The following TRABD2A variants were observed in gnomAD, a reference collection of about 807,000 sequenced individuals.
The protein encoded by TRABD2A is TraB domain containing 2A.
Under a neutral mutation model 45.6 loss-of-function variants are expected in TRABD2A, and 43 were observed. The observed-to-expected ratio is 0.94, with a 90% CI of 0.74 to 1.22. The LOEUF is 1.22. TRABD2A is among the 50% of genes most tolerant of loss of function. The pLI is 0.00. For missense variants in TRABD2A, 642 were observed against 652.4 expected (o/e 0.98, Z 0.17); for synonymous variants, 269 against 265.0 (o/e 1.02, Z -0.15).
At chr2:84,835,680 G>T (rs764279874) in intron 4 of TRABD2A, among the ~76,000 whole-genome samples, 3 of 152,164 alleles carry the variant, frequency 2.0e-5, no homozygotes, top group African/African-American at 7.2e-5. Flanking sequence ...GCCTCCCAAG[G>T]TGCTGGGATT....
chr2:84,842,014 G>C lies in TRABD2A; in HGVS notation c.670-7C>G. ...GGTTCAAAGCAAAGATGACCTAAAA[G>C]AAAGGTCTCTTTTAAGTTCACTAAC... On this transcript the variant is annotated splice_region_variant and splice_polypyrimidine_tract_variant and intron_variant, in intron 2 of 6. Coordinates refer to ENST00000409520, the MANE Select transcript of TRABD2A (RefSeq NM_001277053.2). The C allele has an allele frequency of 6.7e-7, 1 of 1,489,320 alleles. No individual in the cohort carries two copies. The highest frequency in any genetic ancestry group is 1.8e-4 in the Middle Eastern group (1 of 5,668). 92.3% of individuals were successfully genotyped at this position (1,489,320 alleles called of 1,614,324 possible). A position where few individuals can be genotyped will look rare whatever the true frequency, so the allele number is the denominator to read the frequency against.
At chr2:84,852,407 G>C (rs550877616) in intron 2 of TRABD2A, among the ~76,000 whole-genome samples, 2 of 152,032 alleles carry the variant, frequency 1.3e-5, no homozygotes, top group African/African-American at 2.4e-5. Context: ...ATGGGGTTAC[G>C]GGAGGAATGC....
At chr2:84,857,105 C>T (rs1201217064) in intron 2 of TRABD2A, among the ~76,000 whole-genome samples, 1 of 152,174 alleles carries the variant, frequency 6.6e-6, no homozygotes, top group Non-Finnish European at 1.5e-5. Flanking sequence ...AACTTGGAGC[C>T]TCCAGAACTG....
At chr2:84,846,655 A>T (rs1681908162) in intron 2 of TRABD2A, among the ~76,000 whole-genome samples, 1 of 152,218 alleles carries the variant, frequency 6.6e-6, no homozygotes, top group Non-Finnish European at 1.5e-5. Flanking sequence ...GCCTGGGGTC[A>T]TCAGACAAGG....
intron 2 of TRABD2A, among the ~76,000 whole-genome samples, chr2:84,863,787 A>G (rs1682586488): frequency 6.6e-6 from 1 of 151,354 alleles, no homozygotes; most frequent in Non-Finnish European, 1.5e-5. Flanking sequence ...AATTTTTTGT[A>G]TTTTTAGTAG....
chr2:84,844,365 A>G (rs778573376), intron 2 of TRABD2A, among the ~76,000 whole-genome samples: 14 of 152,140 alleles, frequency 9.2e-5, no homozygotes, highest in Non-Finnish European at 4.4e-5. Context: ...GCCTTCCACC[A>G]TGTAAGACAC....
intron 1 of TRABD2A, among the ~76,000 whole-genome samples, chr2:84,872,035 C>A (rs1427139817): frequency 6.6e-6 from 1 of 152,188 alleles, no homozygotes. Context: ...CCATTTCACT[C>A]CTGGCCCCTG....
intron 2 of TRABD2A, among the ~76,000 whole-genome samples, chr2:84,853,799 C>T (rs1254934282): frequency 6.6e-6 from 1 of 152,176 alleles, no homozygotes; most frequent in Non-Finnish European, 1.5e-5. Flanking sequence ...GAGGCCAAGG[C>T]ACACAAGGTC....
chr2:84,834,354 G>A (rs1405845599), intron 4 of TRABD2A: 1 of 152,198 alleles, frequency 6.6e-6, no homozygotes. Context: ...ACTGCAGTTT[G>A]TTTGTGGCAG....
At chr2:84,864,790 C>G (rs1682620993) in intron 2 of TRABD2A, among the ~76,000 whole-genome samples, 1 of 152,182 alleles carries the variant, frequency 6.6e-6, no homozygotes, top group African/African-American at 2.4e-5. Context: ...AACAAGGCAC[C>G]ACATGGTATC....
Position 84,849,584 on chromosome 2 carries a change from T to C in TRABD2A, c.670-7577A>G, listed in dbSNP as rs997174287. ...ACCAGATGGGCATCTTCTGTAATCATAGCTATGCTCTCATGAATCTCCACC... is the reference window on the plus strand; with the variant it reads ...ACCAGATGGGCATCTTCTGTAATCACAGCTATGCTCTCATGAATCTCCACC... On this transcript the variant is annotated intron_variant, in intron 2 of 6. Transcript: ENST00000409520. 5 of 152,378 alleles carry C rather than the reference T, an allele frequency of 3.3e-5. 1 individual carries two copies. The Middle Eastern group carries it at 0.01, about 311-fold the overall frequency. The allele number at this position is 152,378 out of a possible 1,614,324, so 9.4% of individuals were successfully genotyped here.
In TRABD2A at chr2:84,870,214, G is replaced by A. The variant is rs1391517446; in HGVS notation, c.669+11C>T. On this transcript the variant is annotated intron_variant, in intron 2 of 6. Coordinates refer to ENST00000409520, the MANE Select transcript of TRABD2A (RefSeq NM_001277053.2). Reference sequence around the variant, plus strand: ...AATGCCACTAAGTCTTTTATGCAAAGAGAGTCTTACCTGTGAAAAGTTCAA... The same window carrying A: ...AATGCCACTAAGTCTTTTATGCAAAAAGAGTCTTACCTGTGAAAAGTTCAA... The A allele has an allele frequency of 4.4e-6, 7 of 1,591,636 alleles. No homozygotes were observed. In the Admixed American group the frequency reaches 5.1e-5, roughly 12 times the overall value.
chr2:84,836,405 G>T (rs11686064), intron 4 of TRABD2A: 1 of 152,152 alleles, frequency 6.6e-6, no homozygotes, highest in Non-Finnish European at 1.5e-5. Flanking sequence ...CTTCTGATGA[G>T]AAATCTGCTG....
chr2:84,879,252 C>T (rs1227455785), intron 1 of TRABD2A, among the ~76,000 whole-genome samples: 2 of 151,240 alleles, frequency 1.3e-5, no homozygotes, highest in Admixed American at 6.6e-5. Context: ...GGCACAATCA[C>T]ACCTCACTGG....
chr2:84,853,128 G>A (rs947129917), intron 2 of TRABD2A, among the ~76,000 whole-genome samples: 9 of 151,896 alleles, frequency 5.9e-5, no homozygotes, highest in East Asian at 3.9e-4. Flanking sequence ...ATATGACTGC[G>A]TCCTTATAAG....
intron 2 of TRABD2A, among the ~76,000 whole-genome samples, chr2:84,845,415 G>A (rs1015544315): frequency 9.2e-5 from 14 of 152,234 alleles, no homozygotes; most frequent in African/African-American, 3.1e-4. Flanking sequence ...TAAGATATCA[G>A]GTACTCCCCT....
At chr2:84,845,078 C>T (rs1364293384) in intron 2 of TRABD2A, among the ~76,000 whole-genome samples, 18 of 152,264 alleles carry the variant, frequency 1.2e-4, no homozygotes, top group East Asian at 5.8e-4. Flanking sequence ...AGGCCAGGCG[C>T]GGTGGCTCAC....
At chr2:84,832,203 C>A in intron 4 of TRABD2A, 58 bp from the exon 5 acceptor site, 2 of 1,554,308 alleles carry the variant, frequency 1.3e-6, no homozygotes, top group Non-Finnish European at 1.8e-6. Context: ...AAACATACTC[C>A]CCAAACACAC....
At chr2:84,847,538 A>T (rs1414660725) in intron 2 of TRABD2A, among the ~76,000 whole-genome samples, 1 of 152,140 alleles carries the variant, frequency 6.6e-6, no homozygotes, top group African/African-American at 2.4e-5. Context: ...GTTCCTGGAG[A>T]TCCAAAAAGG....
Sources: allele counts gnomAD v4.1 joint callset (sites outside exome capture counted in the v4.1 genomes callset), GRCh38; gene constraint gnomAD v4.1.1; transcripts MANE v1.5; gene names NCBI Gene and HGNC (gene_info 2026-07-23, HGNC 2026-07-21).